The following NFIB variants were observed in gnomAD, a reference collection of about 807,000 sequenced individuals.
The protein encoded by NFIB is nuclear factor 1 B-type.
Under a neutral mutation model 61.5 loss-of-function variants are expected in NFIB, and 11 were observed. The ratio of observed to expected loss-of-function variants is 0.18; its 90% CI spans 0.11 to 0.30. NFIB has a LOEUF of 0.30. NFIB is among the 10% of genes least tolerant of loss of function. The pLI, the probability that NFIB is intolerant of heterozygous loss-of-function variation, is 1.00. For missense variants in NFIB, 471 were observed against 608.9 expected, an observed-to-expected ratio of 0.77 and a Z score of 2.38; for synonymous variants, 260 against 216.5, an observed-to-expected ratio of 1.20 and a Z score of -1.76.
At chr9:14,294,864 A>G (rs577553553) in intron 2 of NFIB, among the ~76,000 whole-genome samples, 4 of 152,314 alleles carry the variant, frequency 2.6e-5, no homozygotes, top group African/African-American at 9.6e-5. Flanking sequence ...ATATGAGCTA[A>G]TCTCTCCACT....
At chr9:14,520,749 T>C in the NFIB span, among the ~76,000 whole-genome samples, 5 of 152,308 alleles carry the variant, frequency 3.3e-5, no homozygotes, top group South Asian at 2.1e-4. Context: ...AGCACCTTCA[T>C]TTAAAAAGAT....
chr9:14,264,117 G>T (rs191661077), intron 2 of NFIB, among the ~76,000 whole-genome samples: 1 of 152,022 alleles, frequency 6.6e-6, no homozygotes, highest in East Asian at 1.9e-4. Context: ...CAGACTTCTG[G>T]CCTCAGGGAA....
At chr9:14,433,078 T>C in the NFIB span, among the ~76,000 whole-genome samples, 1 of 152,164 alleles carries the variant, frequency 6.6e-6, no homozygotes, top group African/African-American at 2.4e-5. Flanking sequence ...GGTGACCCCT[T>C]ATTTAAAACA....
intron 2 of NFIB, among the ~76,000 whole-genome samples, chr9:14,228,355 T>A (rs7033134): frequency 1.6e-4 from 25 of 151,704 alleles, no homozygotes; most frequent in African/African-American, 5.8e-4. Flanking sequence ...CCACCACGCC[T>A]GGCTAATTTT....
At chr9:14,449,142 A>G in the NFIB span, among the ~76,000 whole-genome samples, 1 of 152,242 alleles carries the variant, frequency 6.6e-6, no homozygotes, top group Non-Finnish European at 1.5e-5. Context: ...ATACTGTATC[A>G]TTACTAATAT....
At chr9:14,373,196 G>C (rs753701931) in intron 1 of NFIB, among the ~76,000 whole-genome samples, 18 of 152,304 alleles carry the variant, frequency 1.2e-4, no homozygotes, top group African/African-American at 4.3e-4. Context: ...TTTCTGTAAA[G>C]GGTTATGCAA....
the NFIB span, among the ~76,000 whole-genome samples, chr9:14,511,654 C>A: frequency 6.6e-6 from 1 of 152,176 alleles, no homozygotes; most frequent in African/African-American, 2.4e-5. Flanking sequence ...CACACTATGA[C>A]TGGTCTTGGC....
intron 6 of NFIB, among the ~76,000 whole-genome samples, chr9:14,145,905 T>G (rs924031295): frequency 5.9e-5 from 9 of 152,024 alleles, no homozygotes; most frequent in Admixed American, 2.0e-4. Context: ...TAAAAGACAA[T>G]TTAAAAATAC....
At chr9:14,400,536 G>C (rs1468259962), upstream of NFIB, among the ~76,000 whole-genome samples, 1 of 152,140 alleles carries the variant, frequency 6.6e-6, no homozygotes, top group Non-Finnish European at 1.5e-5. Context: ...ACAGGTCACA[G>C]CTGTAACTCA....
intron 5 of NFIB, among the ~76,000 whole-genome samples, chr9:14,148,716 C>G (rs1458610500): frequency 6.6e-6 from 1 of 152,030 alleles, no homozygotes; most frequent in Non-Finnish European, 1.5e-5. Flanking sequence ...TTTCCAAGCC[C>G]TTGAATCATG....
At chr9:14,454,886 T>C in the NFIB span, among the ~76,000 whole-genome samples, 1 of 152,200 alleles carries the variant, frequency 6.6e-6, no homozygotes, top group African/African-American at 2.4e-5. Flanking sequence ...TTTTCCCCTA[T>C]GTCAAGACAC....
At chr9:14,445,057 A>G in the NFIB span, among the ~76,000 whole-genome samples, 2 of 152,082 alleles carry the variant, frequency 1.3e-5, no homozygotes, top group African/African-American at 4.8e-5. Context: ...AGCTTCGTCC[A>G]TGTTGATGTG....
intron 1 of NFIB, among the ~76,000 whole-genome samples, chr9:14,384,078 C>T (rs367697425): frequency 3.9e-5 from 6 of 152,182 alleles, no homozygotes; most frequent in African/African-American, 1.2e-4. Context: ...ATGAGGAGCA[C>T]GCCACATGCT....
intron 2 of NFIB, chr9:14,300,334 G>A (rs1411924752): frequency 1.0e-5 from 4 of 397,534 alleles, no homozygotes; most frequent in Non-Finnish European, 1.8e-5. Flanking sequence ...CCTTCACAAG[G>A]ATGGAGGGAA....
intron 2 of NFIB, among the ~76,000 whole-genome samples, chr9:14,227,460 T>C (rs1350984301): frequency 6.6e-6 from 1 of 152,222 alleles, no homozygotes; most frequent in African/African-American, 2.4e-5. Flanking sequence ...AACATTGTTC[T>C]TGAATATCTC....
the NFIB span, among the ~76,000 whole-genome samples, chr9:14,424,672 TG>T: frequency 1.3e-5 from 2 of 152,226 alleles, no homozygotes; most frequent in Non-Finnish European, 2.9e-5. Flanking sequence ...TCTCAGAGGC[TG>T]GAGCCATGGG....
the NFIB span, among the ~76,000 whole-genome samples, chr9:14,465,820 C>T: frequency 1.3e-5 from 2 of 152,058 alleles, no homozygotes; most frequent in African/African-American, 4.8e-5. Context: ...GTGCACTGTA[C>T]GATGTTAAGC....
At chr9:14,279,859 T>C (rs535524131) in intron 2 of NFIB, among the ~76,000 whole-genome samples, 4 of 152,334 alleles carry the variant, frequency 2.6e-5, no homozygotes, top group South Asian at 4.1e-4. Flanking sequence ...GAATGATGTT[T>C]AGATTCCTTT....
chr9:14,338,763 C>A (rs112956368), intron 1 of NFIB, among the ~76,000 whole-genome samples: 160 of 151,860 alleles, frequency 1.1e-3, no homozygotes, highest in Non-Finnish European at 2.1e-3. Context: ...ATTCTTGTTT[C>A]TTTCTCTTTC....
Sources: gnomAD v4.1 joint callset for allele counts (sites outside exome capture counted in the v4.1 genomes callset) on GRCh38, gnomAD v4.1.1 for gene constraint, MANE v1.5 for transcripts, NCBI Gene and HGNC (gene_info 2026-07-23, HGNC 2026-07-21) for gene names.